The following ZNFX1 variants were observed in gnomAD, a reference collection of about 807,000 sequenced individuals.
ZNFX1 encodes NFX1-type zinc finger-containing protein 1.
A neutral mutation model predicts 179.8 loss-of-function variants in ZNFX1; 78 were observed. That is an observed-to-expected ratio of 0.43 (90% CI 0.36 to 0.52). The LOEUF (loss-of-function observed/expected upper bound fraction) is 0.52. Among genes scored for constraint, ZNFX1 ranks in the 20% least tolerant of loss-of-function variants. The pLI, the probability that ZNFX1 is intolerant of heterozygous loss-of-function variation, is 0.00. For synonymous variants in ZNFX1, 848 were observed against 868.5 expected (o/e 0.98, Z 0.42); for missense variants, 1,927 against 2,386.6 (o/e 0.81, Z 4.01).
chr20:49,253,887 T>A, intron 10 of ZNFX1, 76 bp from the exon 11 acceptor site: 1 of 1,547,464 alleles, frequency 6.5e-7, no homozygotes, highest in Non-Finnish European at 8.8e-7. Context: ...CCTCTGGGAA[T>A]CCACTTCTGT....
Position 49,269,986 on chromosome 20 carries a change from G to T in ZNFX1, c.1826C>A (p.Ala609Asp). The T allele has an allele frequency of 6.2e-7, 1 of 1,613,192 alleles. No individual in the cohort carries two copies. Residue 609 changes from alanine to aspartate, a missense_variant, in exon 3 of 14, where the codon GCT (alanine) becomes GAT (aspartate). Coordinates refer to ENST00000396105, the MANE Select transcript of ZNFX1 (RefSeq NM_021035.3). ...AATAATAGCCAGTTCCCTTGTGAGA[G>T]CAAACTGCAAGGCTTCCATCTGGGA... ...DDSQMEALQF[A>D]LTRELAIIQG...
chr20:49,249,277 T>C lies in ZNFX1; in HGVS notation c.3747A>G (p.Thr1249=), dbSNP rs756506219. The C allele has an allele frequency of 8.1e-6, 13 of 1,614,082 alleles. No individual in the cohort carries two copies. The East Asian group carries it at 2.9e-4, about 36-fold the overall frequency. ...KVPLWSKIIH[T]LRENNQIGPM... ...GGCCTATTTGATTGTTCTCTCGAAG[T>C]GTATGAATGATCTTGCTCCACAGGG... The change falls in exon 14 of 14, where the codon ACA becomes ACG. Residue 1249 remains threonine (T), a synonymous_variant. Coordinates refer to ENST00000396105, the MANE Select transcript of ZNFX1 (RefSeq NM_021035.3).
Position 49,254,518 on chromosome 20 carries a change from T to G in ZNFX1, c.2936A>C (p.Gln979Pro). ...QEDLHILKDAQVVGMTTTGAA... is the reference protein window; with the variant it reads ...QEDLHILKDAPVVGMTTTGAA... ...ACCTGTGGTTGTCATTCCTACAACC[T>G]GGGCATCTTTAAGAATGTGCAGGTC... is the stretch of plus-strand genomic sequence containing the variant. Residue 979 changes from glutamine (Q) to proline (P), a missense_variant, in exon 10 of 14, where the codon CAG (glutamine) becomes CCG (proline). Physicochemically the swap from Gln to Pro is moderately conservative, Grantham distance 76 (BLOSUM62 -1). Transcript: ENST00000396105. 1 of 1,614,190 alleles carries G rather than the reference T, an allele frequency of 6.2e-7. No individual in the cohort carries two copies. Among genetic ancestry groups the G allele is most frequent in the Non-Finnish European group, 8.5e-7 (1 of 1,180,010 alleles).
At chr20:49,264,683 A>T in intron 5 of ZNFX1, 33 bp downstream of exon 5, 2 of 1,609,792 alleles carry the variant, frequency 1.2e-6, no homozygotes, top group Non-Finnish European at 1.7e-6. Flanking sequence ...GTCCCTCTTG[A>T]ACTACCCCAG....
intron 3 of ZNFX1, among the ~76,000 whole-genome samples, chr20:49,269,169 T>C (rs1981316704): frequency 6.6e-6 from 1 of 152,204 alleles, no homozygotes; most frequent in Non-Finnish European, 1.5e-5. Flanking sequence ...CGGAATACTA[T>C]GCAGCTATGA....
intron 12 of ZNFX1, 98 bp downstream of exon 12, chr20:49,252,622 T>C: frequency 1.3e-6 from 1 of 754,412 alleles, no homozygotes. Context: ...CAGTATTAAA[T>C]TATTTTTATT....
intron 11 of ZNFX1, among the ~76,000 whole-genome samples, chr20:49,253,427 G>A (rs1255797459): frequency 1.3e-5 from 2 of 152,134 alleles, no homozygotes; most frequent in Non-Finnish European, 2.9e-5. Flanking sequence ...CCACTCAAGA[G>A]GCCATGGTGG....
rs748978949 is a variant in ZNFX1, at chr20:49,248,670, A to C, written c.4354T>G (p.Cys1452Gly). The C allele has an allele frequency of 6.2e-7, 1 of 1,613,358 alleles. No homozygotes were observed. Among genetic ancestry groups the C allele is most frequent in the South Asian group, 1.1e-5 (1 of 91,090 alleles). The change falls in exon 14 of 14, where the codon TGC becomes GGC. Residue 1452 changes from cysteine to glycine, a missense_variant. Cys to Gly is a radical substitution (Grantham distance 159). Transcript: ENST00000396105. The surrounding 1 kb of genome is among the most constrained non-coding windows in gnomAD (Gnocchi z 4.6). The part of the protein sequence containing the change: ...GHPCPGSCHS[C>G]FEGRFHERCQ... The stretch of plus-strand genomic sequence containing the variant: ...CGTTCATGGAAACGCCCTTCGAAGC[A>C]GCTGTGGCAGGAGCCTGGGCAAGGA...
Position 49,271,037 on chromosome 20 carries a change from G to T in ZNFX1, c.775C>A (p.Pro259Thr). 1.9e-6 allele frequency: 3 copies of T among 1,614,116 alleles called. No homozygotes were observed. Among genetic ancestry groups the T allele is most frequent in the Non-Finnish European group, 2.5e-6 (3 of 1,180,014 alleles). The change falls in exon 3 of 14, where the codon CCT becomes ACT. Residue 259 changes from proline to threonine, a missense_variant. Coordinates refer to ENST00000396105, the MANE Select transcript of ZNFX1 (RefSeq NM_021035.3). ...GAAGTTTCCTGCACAGAGCTGGCAG[G>T]GAAGACACTTACAAGGTCCTGGAGG... ...SLLQDLVSVF[P>T]ASSVQETSML...
At chr20:49,256,013 CA>C in intron 8 of ZNFX1, 66 bp from the exon 9 acceptor site, 1 of 1,577,996 alleles carries the variant, frequency 6.3e-7, no homozygotes. Context: ...AAGCCCAAGG[CA>C]GGGGTCACAG....
intron 7 of ZNFX1, among the ~76,000 whole-genome samples, chr20:49,258,098 ATT>A (rs10648506): frequency 1.4e-5 from 2 of 138,770 alleles, no homozygotes; most frequent in African/African-American, 2.7e-5. Context: ...GGTTTATGTG[ATT>A]TTTTTTTTTT....
At chr20:49,263,292 T>G in intron 6 of ZNFX1, 42 bp downstream of exon 6, 1 of 1,602,686 alleles carries the variant, frequency 6.2e-7, no homozygotes, top group Non-Finnish European at 8.5e-7. Context: ...CTCAAAGTAC[T>G]GAGGCCAGAG....
chr20:49,261,564 G>A (rs1383187235), intron 6 of ZNFX1, among the ~76,000 whole-genome samples: 5 of 152,180 alleles, frequency 3.3e-5, no homozygotes, highest in African/African-American at 4.8e-5. Context: ...GTGGAGGATG[G>A]GAGGAGGGAG....
At chr20:49,253,979 A>G (rs1980906105) in intron 10 of ZNFX1, among the ~76,000 whole-genome samples, 168 bp from the exon 11 acceptor site, 2 of 151,678 alleles carry the variant, frequency 1.3e-5, no homozygotes, top group Admixed American at 1.3e-4. Flanking sequence ...TGTGTTGGTC[A>G]CTGTTGGAGT....
rs189362939 is a variant in ZNFX1, at chr20:49,266,905, T to C, written c.1871-639A>G. ...AGGCTAAAAACTGCTAAATTCTCTC[T>C]TTTTGTTTGAGATGGAGTTTCGCTC... On this transcript the variant is annotated intron_variant, in intron 3 of 13. Transcript: ENST00000396105. 1.1e-4 allele frequency among the ~76,000 whole-genome samples: 16 copies of C among 152,258 alleles called. No homozygotes were observed. In the East Asian group the frequency reaches 2.7e-3, roughly 26 times the overall value.
rs1981408107 is a variant in ZNFX1, at chr20:49,271,705, T to C, written c.107A>G (p.Asn36Ser). The C allele has an allele frequency of 6.2e-7, 1 of 1,613,804 alleles. No homozygotes were observed. The highest frequency in any genetic ancestry group is 8.5e-7 in the Non-Finnish European group (1 of 1,179,870). ...ELPPRARNQANNPPANALRGG... is the reference protein window; with the variant it reads ...ELPPRARNQASNPPANALRGG... Reference sequence around the variant, plus strand: ...TCGGAGAGCATTGGCTGGTGGGTTATTGGCCTGATTTCTAGCTCTTGGTGG... The same window carrying C: ...TCGGAGAGCATTGGCTGGTGGGTTACTGGCCTGATTTCTAGCTCTTGGTGG... The change falls in exon 3 of 14, where the codon AAT (asparagine) becomes AGT (serine). Residue 36 changes from asparagine to serine, a missense_variant. By Grantham distance (46) the Asn-to-Ser change is conservative. Transcript: ENST00000396105.
At chr20:49,272,807 T>C (rs1038939870) in intron 2 of ZNFX1, among the ~76,000 whole-genome samples, 1 of 152,158 alleles carries the variant, frequency 6.6e-6, no homozygotes, top group African/African-American at 2.4e-5. Flanking sequence ...GAAACTCAAG[T>C]TTTCCTCCTT....
Position 49,247,553 on chromosome 20 carries a change from C to T in ZNFX1, c.5471G>A (p.Gly1824Asp). The T allele has an allele frequency of 6.2e-7, 1 of 1,614,226 alleles. No homozygotes were observed. The change falls in exon 14 of 14, where the codon GGC becomes GAC. Residue 1824 changes from glycine to aspartate, a missense_variant. Transcript: ENST00000396105. Reference sequence around the variant, plus strand: ...TCGCTCTTCCTCTGAGATGCCCAGGCCAGAGCAGGGAAGGGTGGCTTTCAG... The same window carrying T: ...TCGCTCTTCCTCTGAGATGCCCAGGTCAGAGCAGGGAAGGGTGGCTTTCAG... ...EALKATLPCS[G>D]LGISEEERVQ... is the part of the protein sequence containing the mutation.
chr20:49,274,038 A>G (rs1231864976), intron 2 of ZNFX1, among the ~76,000 whole-genome samples: 4 of 152,258 alleles, frequency 2.6e-5, no homozygotes, highest in African/African-American at 9.6e-5. Flanking sequence ...ATGGAAAAGC[A>G]GGAATCCATT....
Sources: allele counts gnomAD v4.1 joint callset (sites outside exome capture counted in the v4.1 genomes callset), GRCh38; gene constraint gnomAD v4.1.1; non-coding constraint Gnocchi (gnomAD v3.1); transcripts MANE v1.5; gene names NCBI Gene and HGNC (gene_info 2026-07-23, HGNC 2026-07-21).